ARHGAP10: variants seen among roughly 807,000 people sequenced by gnomAD.
ARHGAP10 encodes the protein Rho GTPase activating protein 10.
A neutral mutation model predicts 108.6 loss-of-function variants in ARHGAP10; 87 were observed. That is an observed-to-expected ratio of 0.80 (90% CI 0.67 to 0.96). The LOEUF is 0.96. Among genes scored for constraint, ARHGAP10 ranks in the 40% least tolerant of loss-of-function variants. The pLI, the probability that ARHGAP10 is intolerant of heterozygous loss-of-function variation, is 0.00. For synonymous variants in ARHGAP10, 347 were observed against 341.1 expected (o/e 1.02, Z -0.19); for missense variants, 939 against 954.5 (o/e 0.98, Z 0.21).
intron 1 of ARHGAP10, among the ~76,000 whole-genome samples, chr4:147,736,191 C>G (rs1728405864): frequency 6.6e-6 from 1 of 151,260 alleles, no homozygotes; most frequent in Non-Finnish European, 1.5e-5. Flanking sequence ...TCTGCTGTTA[C>G]TAAACATGCA....
chr4:147,964,913 C>G (rs916461411), intron 16 of ARHGAP10, 111 bp from the exon 17 acceptor site: 10 of 677,390 alleles, frequency 1.5e-5, no homozygotes, highest in Non-Finnish European at 2.0e-5. Context: ...TAATCTTGAA[C>G]AGAGGAGCTG....
intron 18 of ARHGAP10, among the ~76,000 whole-genome samples, chr4:148,021,092 G>C (rs1578798253): frequency 6.6e-6 from 1 of 152,324 alleles, no homozygotes; most frequent in East Asian, 1.9e-4. Context: ...CTCATTCCCA[G>C]ATATTCTGAT....
At chr4:147,893,380 A>G (rs1365011157) in intron 10 of ARHGAP10, among the ~76,000 whole-genome samples, 4 of 150,522 alleles carry the variant, frequency 2.7e-5, no homozygotes, top group East Asian at 1.9e-4. Flanking sequence ...TTTAAATGTA[A>G]ATTTTTTTTT....
At chr4:148,029,729 C>T (rs1728050344) in intron 19 of ARHGAP10, among the ~76,000 whole-genome samples, 1 of 152,178 alleles carries the variant, frequency 6.6e-6, no homozygotes, top group African/African-American at 2.4e-5. Flanking sequence ...CCCAGAAGCC[C>T]TTTGCCATCT....
At chr4:147,866,918 G>T in intron 7 of ARHGAP10, 102 bp downstream of exon 7, 1 of 985,396 alleles carries the variant, frequency 1.0e-6, no homozygotes, top group Non-Finnish European at 1.5e-6. Flanking sequence ...ATGCTGATCT[G>T]TTTGTACTGA....
intron 20 of ARHGAP10, among the ~76,000 whole-genome samples, chr4:148,054,309 GGGATTTAAGCAAACCAA>G (rs1315585709): frequency 1.3e-5 from 2 of 152,202 alleles, no homozygotes; most frequent in African/African-American, 4.8e-5. Flanking sequence ...AAGCAAACCA[GGGATTTAAGCAAACCAA>G]GGCTTAGCAA....
intron 1 of ARHGAP10, among the ~76,000 whole-genome samples, chr4:147,785,830 G>C (rs546105445): frequency 6.6e-6 from 1 of 152,150 alleles, no homozygotes; most frequent in Non-Finnish European, 1.5e-5. Flanking sequence ...AATTATAAAG[G>C]CATAGCTCAT....
At chr4:147,835,556 T>C (rs1053255103) in intron 3 of ARHGAP10, among the ~76,000 whole-genome samples, 2 of 152,174 alleles carry the variant, frequency 1.3e-5, no homozygotes, top group Admixed American at 1.3e-4. Context: ...GTATTTTTAG[T>C]AGAGACAGGG....
At chr4:147,913,705 T>C (rs538735036) in intron 13 of ARHGAP10, among the ~76,000 whole-genome samples, 46 of 152,316 alleles carry the variant, frequency 3.0e-4, no homozygotes, top group African/African-American at 1.1e-3. Flanking sequence ...AACTGGTGTT[T>C]AGGGCTTCTA....
In ARHGAP10 at chr4:147,866,758, A is replaced by G. The variant is rs1315191073; in HGVS notation, c.644A>G (p.His215Arg). The G allele has an allele frequency of 8.1e-6, 13 of 1,613,882 alleles. No individual in the cohort carries two copies. The Admixed American group carries it at 2.2e-4, about 27-fold the overall frequency. ...QGMFTFYHQG[H>R]ELAKDFNHYK... ...ATGTTTACCTTCTATCATCAGGGCC[A>G]TGAACTTGCCAAAGACTTCAATCAC... The change falls in exon 7 of 23, where the codon CAT becomes CGT. Residue 215 changes from histidine (H) to arginine (R), a missense_variant. His to Arg is a conservative substitution (Grantham distance 29, BLOSUM62 0). Coordinates refer to ENST00000336498, the MANE Select transcript of ARHGAP10 (RefSeq NM_024605.4).
chr4:147,960,768 C>T (rs1738959827), intron 16 of ARHGAP10, among the ~76,000 whole-genome samples: 2 of 152,218 alleles, frequency 1.3e-5, no homozygotes, highest in African/African-American at 4.8e-5. Flanking sequence ...GAAGTGTGAT[C>T]ACTCTCCTGA....
At chr4:147,933,886 A>C (rs911823668) in intron 13 of ARHGAP10, among the ~76,000 whole-genome samples, 2 of 151,790 alleles carry the variant, frequency 1.3e-5, no homozygotes, top group African/African-American at 4.8e-5. Flanking sequence ...TCTCAACATG[A>C]GATTGTTCCC....
rs577510767 is a variant in ARHGAP10, at chr4:147,921,010, AG to A, written c.1228+7873del. On this transcript the variant is annotated intron_variant, in intron 13 of 22. Coordinates refer to ENST00000336498, the MANE Select transcript of ARHGAP10 (RefSeq NM_024605.4). ...AGAAGGTGATACGTAGCAAAGAAAC[AG>A]GCATTCAAAAAGTAAATATGAAAAC... 3.9e-5 allele frequency among the ~76,000 whole-genome samples: 6 copies of A among 152,370 alleles called. No individual in the cohort carries two copies. The East Asian group carries it at 1.2e-3, about 29-fold the overall frequency.
At chr4:147,872,758 A>G (rs1357090148) in intron 7 of ARHGAP10, among the ~76,000 whole-genome samples, 1 of 152,230 alleles carries the variant, frequency 6.6e-6, no homozygotes, top group Non-Finnish European at 1.5e-5. Context: ...GTGGAAGTGG[A>G]TCATCATAAA....
chr4:148,046,687 T>C lies in ARHGAP10; in HGVS notation c.1868-205T>C, dbSNP rs146192609. Among the ~76,000 whole-genome samples, 510 of 152,250 alleles carry C rather than the reference T, an allele frequency of 3.3e-3. 3 individuals are homozygous for C. Among genetic ancestry groups the C allele is most frequent in the African/African-American group, 0.012 (489 of 41,550 alleles). Reference sequence around the variant, plus strand: ...ATTGTGTTTTCTTGTAAGGAAAACATTCCTCGCTGTGTATTATCTGTGGTT... The same window carrying C: ...ATTGTGTTTTCTTGTAAGGAAAACACTCCTCGCTGTGTATTATCTGTGGTT... On this transcript the variant is annotated intron_variant, in intron 19 of 22. Coordinates refer to ENST00000336498, the MANE Select transcript of ARHGAP10 (RefSeq NM_024605.4).
rs566406361 is a variant in ARHGAP10, at chr4:147,855,682, G to GTTT, written c.385-1851_385-1849dup. Among the ~76,000 whole-genome samples the GTTT allele has an allele frequency of 2.4e-4, 30 of 124,750 alleles. 1 individual carries two copies. Among genetic ancestry groups the GTTT allele is most frequent in the African/African-American group, 4.3e-4 (14 of 32,930 alleles). 81.8% of individuals were successfully genotyped at this position (124,750 alleles called of 152,430 possible). ...AACTTAGGTTCTATATTGTCAGATG[G>GTTT]TTTTTTTTTTTTTTTTTTTTTTAAG... On this transcript the variant is annotated intron_variant, in intron 4 of 22. Coordinates refer to ENST00000336498, the MANE Select transcript of ARHGAP10 (RefSeq NM_024605.4).
intron 4 of ARHGAP10, 77 bp downstream of exon 4, chr4:147,847,299 C>A: frequency 7.3e-7 from 1 of 1,360,650 alleles, no homozygotes; most frequent in Non-Finnish European, 1.0e-6. Flanking sequence ...TCACATTTGG[C>A]AGCTTTGAAG....
chr4:147,887,861 C>CA (rs112379304), intron 10 of ARHGAP10, among the ~76,000 whole-genome samples: 3,904 of 140,622 alleles, frequency 0.028, 169 homozygotes, highest in African/African-American at 0.094. Context: ...GACTCCATCT[C>CA]AAAAAAAAAA....
At chr4:147,933,075 A>G (rs1737769103) in intron 13 of ARHGAP10, among the ~76,000 whole-genome samples, 1 of 151,902 alleles carries the variant, frequency 6.6e-6, no homozygotes, top group South Asian at 2.1e-4. Context: ...GATTTTCTGT[A>G]TTTTCTTGAA....
Sources: allele counts gnomAD v4.1 joint callset (sites outside exome capture counted in the v4.1 genomes callset), GRCh38; gene constraint gnomAD v4.1.1; transcripts MANE v1.5; gene names NCBI Gene and HGNC (gene_info 2026-07-23, HGNC 2026-07-21).